The following FSTL5 variants were observed in gnomAD, a reference collection of about 807,000 sequenced individuals.
FSTL5 encodes follistatin-related protein 5.
Under a neutral mutation model 89.1 loss-of-function variants are expected in FSTL5, and 62 were observed. The ratio of observed to expected loss-of-function variants is 0.70; its 90% CI spans 0.57 to 0.86. FSTL5 has a LOEUF of 0.86. Ranked by LOEUF, FSTL5 falls within the 40% of genes least tolerant of loss-of-function variation. The probability of loss-of-function intolerance (pLI) is 0.00; values close to 1 mark genes in which losing one functional copy is unlikely to be tolerated. For missense variants in FSTL5, 1,057 were observed against 1,001.6 expected (o/e 1.06, Z -0.75); for synonymous variants, 383 against 346.2 (o/e 1.11, Z -1.18).
chr4:161,436,770 T>C (rs868206184), intron 15 of FSTL5, among the ~76,000 whole-genome samples: 6 of 152,332 alleles, frequency 3.9e-5, no homozygotes, highest in Middle Eastern at 3.4e-3. Context: ...GGAACATCTA[T>C]ATCATTCAGA....
At chr4:161,845,455 A>C (rs1356104260) in intron 4 of FSTL5, among the ~76,000 whole-genome samples, 1 of 152,196 alleles carries the variant, frequency 6.6e-6, no homozygotes, top group East Asian at 1.9e-4. Flanking sequence ...TTTAATAGAC[A>C]ATTGGATTTC....
rs114443312 is a variant in FSTL5 at position 161,523,446 on chromosome 4, C to T, written c.1313-13022G>A. Among the ~76,000 whole-genome samples, 1,295 of 152,196 alleles carry T rather than the reference C, an allele frequency of 8.5e-3. 13 individuals are homozygous for T. Among genetic ancestry groups the T allele is most frequent in the African/African-American group, 0.03 (1,231 of 41,528 alleles). On this transcript the variant is annotated intron_variant, in intron 10 of 15. Coordinates refer to ENST00000306100, the MANE Select transcript of FSTL5 (RefSeq NM_020116.5). Reference sequence around the variant, plus strand: ...GTGCCAGTTTTGCTCCAATTTAATGCTTATAATTTAATAGGCCTAAGAGGC... The same window carrying T: ...GTGCCAGTTTTGCTCCAATTTAATGTTTATAATTTAATAGGCCTAAGAGGC...
intron 4 of FSTL5, among the ~76,000 whole-genome samples, chr4:161,809,083 G>A (rs559412397): frequency 6.6e-6 from 1 of 152,124 alleles, no homozygotes; most frequent in Non-Finnish European, 1.5e-5. Context: ...GCCAGGCTTG[G>A]TGGCGGCTGC....
chr4:161,432,540 G>C (rs1317827976), intron 15 of FSTL5, among the ~76,000 whole-genome samples: 1 of 151,636 alleles, frequency 6.6e-6, no homozygotes, highest in East Asian at 1.9e-4. Context: ...TAAAGAACTA[G>C]AAAAGCAGGA....
chr4:161,764,408 A>C (rs926793880), intron 5 of FSTL5, among the ~76,000 whole-genome samples: 5 of 151,822 alleles, frequency 3.3e-5, no homozygotes, highest in African/African-American at 1.2e-4. Context: ...ACAGGCTCCC[A>C]CCACCACGCC....
chr4:161,639,401 A>C (rs916961176), intron 7 of FSTL5, among the ~76,000 whole-genome samples: 4 of 152,174 alleles, frequency 2.6e-5, no homozygotes, highest in Admixed American at 1.3e-4. Flanking sequence ...ATTGCTTAAA[A>C]CGTTATAGGT....
Position 161,838,078 on chromosome 4 carries a change from A to G in FSTL5, c.410-62004T>C, listed in dbSNP as rs897008250. On this transcript the variant is annotated intron_variant, in intron 4 of 15. Coordinates refer to ENST00000306100, the MANE Select transcript of FSTL5 (RefSeq NM_020116.5). ...GTGGATTCAACAAGATATATCCAGA[A>G]TTTTCACACAGATATGAATAATAAT... 2.2e-4 allele frequency among the ~76,000 whole-genome samples: 34 copies of G among 152,172 alleles called. 2 individuals carry two copies. Among genetic ancestry groups the G allele is most frequent in the Non-Finnish European group, 5.9e-5 (4 of 68,030 alleles).
chr4:161,818,148 G>T (rs1462775812), intron 4 of FSTL5, among the ~76,000 whole-genome samples: 2 of 152,168 alleles, frequency 1.3e-5, no homozygotes, highest in Admixed American at 1.3e-4. Flanking sequence ...ACATCAAGAA[G>T]AATGCAACGA....
At chr4:161,820,632 C>T (rs1443316249) in intron 4 of FSTL5, among the ~76,000 whole-genome samples, 2 of 152,066 alleles carry the variant, frequency 1.3e-5, no homozygotes, top group Non-Finnish European at 2.9e-5. Context: ...AAGGCCTGGA[C>T]CATGAGAGCC....
At chr4:161,686,983 T>C (rs749139774) in intron 6 of FSTL5, among the ~76,000 whole-genome samples, 1 of 152,108 alleles carries the variant, frequency 6.6e-6, no homozygotes, top group Non-Finnish European at 1.5e-5. Context: ...CTGCCGACAT[T>C]GCGTATTATC....
intron 2 of FSTL5, among the ~76,000 whole-genome samples, chr4:162,078,275 T>C (rs1015940029): frequency 1.3e-5 from 2 of 151,868 alleles, no homozygotes; most frequent in African/African-American, 4.8e-5. Context: ...AAAATATTGC[T>C]CCTGGAACAA....
At chr4:161,779,801 A>ATG (rs1553965265) in intron 4 of FSTL5, among the ~76,000 whole-genome samples, 951 of 46,226 alleles carry the variant, frequency 0.021, 31 homozygotes, top group African/African-American at 0.061. Context: ...ATATATATAT[A>ATG]TATATATATG....
At chr4:161,571,249 C>T (rs1487629517) in intron 8 of FSTL5, among the ~76,000 whole-genome samples, 2 of 152,008 alleles carry the variant, frequency 1.3e-5, no homozygotes, top group Non-Finnish European at 2.9e-5. Flanking sequence ...TGGGATCTGC[C>T]AAATCACTAA....
intron 3 of FSTL5, among the ~76,000 whole-genome samples, chr4:162,025,060 A>C (rs1229026604): frequency 2.0e-5 from 3 of 152,096 alleles, no homozygotes; most frequent in African/African-American, 7.2e-5. Context: ...TTTATGGTCA[A>C]AGTACTGTCT....
At chr4:161,588,812 T>G (rs1733706973) in intron 7 of FSTL5, among the ~76,000 whole-genome samples, 1 of 152,154 alleles carries the variant, frequency 6.6e-6, no homozygotes, top group Non-Finnish European at 1.5e-5. Context: ...ATGAAAATCA[T>G]CATTCTAGAA....
Position 161,770,181 on chromosome 4 carries a change from C to T in FSTL5, c.606+5697G>A, listed in dbSNP as rs144400163. Among the ~76,000 whole-genome samples the T allele has an allele frequency of 4.6e-5, 7 of 151,758 alleles. No individual in the cohort carries two copies. In the East Asian group the frequency reaches 7.7e-4, roughly 17 times the overall value. ...CAAATGGAAACAATTGAACTTACAG[C>T]GATAGAGCATAGAATGGTGATTACC... On this transcript the variant is annotated intron_variant, in intron 5 of 15. Coordinates refer to ENST00000306100, the MANE Select transcript of FSTL5 (RefSeq NM_020116.5).
chr4:161,498,288 A>C (rs1258173998), intron 12 of FSTL5, among the ~76,000 whole-genome samples: 1 of 152,092 alleles, frequency 6.6e-6, no homozygotes, highest in Non-Finnish European at 1.5e-5. Context: ...TGTTGCCCTG[A>C]CATGTTGCAA....
At chr4:162,123,457 G>A (rs1731947804) in intron 1 of FSTL5, among the ~76,000 whole-genome samples, 1 of 152,066 alleles carries the variant, frequency 6.6e-6, no homozygotes, top group Non-Finnish European at 1.5e-5. Context: ...AGGGAAGATA[G>A]GTTAATGCTT....
intron 12 of FSTL5, among the ~76,000 whole-genome samples, chr4:161,491,254 T>C (rs921182038): frequency 2.6e-5 from 4 of 152,032 alleles, no homozygotes; most frequent in African/African-American, 9.7e-5. Flanking sequence ...TATATACAGA[T>C]TATATAATCA....
Sources: gnomAD v4.1 joint callset for allele counts (sites outside exome capture counted in the v4.1 genomes callset) on GRCh38, gnomAD v4.1.1 for gene constraint, MANE v1.5 for transcripts, NCBI Gene and HGNC (gene_info 2026-07-23, HGNC 2026-07-21) for gene names.